The following TNFSF4 variants were observed in gnomAD, a reference collection of about 807,000 sequenced individuals.
TNFSF4 encodes the protein TNF superfamily member 4.
TNFSF4 carries 4 observed loss-of-function variants against 7.3 expected under a neutral mutation model. The ratio of observed to expected loss-of-function variants is 0.55; its 90% confidence interval spans 0.27 to 1.25. TNFSF4 has a LOEUF of 1.25. Among genes scored for constraint, TNFSF4 ranks in the 50% most tolerant of loss-of-function variants. The pLI is 0.12. For missense variants in TNFSF4, 181 were observed against 208.8 expected, an observed-to-expected ratio of 0.87 and a Z score of 0.82; for synonymous variants, 76 against 83.7, an observed-to-expected ratio of 0.91 and a Z score of 0.50.
At chr1:173,293,787 G>A in the TNFSF4 span, among the ~76,000 whole-genome samples, 1 of 151,754 alleles carries the variant, frequency 6.6e-6, no homozygotes, top group East Asian at 1.9e-4. Flanking sequence ...AAATAACCCT[G>A]TGAAAAAATG....
the TNFSF4 span, among the ~76,000 whole-genome samples, chr1:173,411,029 G>C: frequency 6.6e-6 from 1 of 152,210 alleles, no homozygotes; most frequent in Non-Finnish European, 1.5e-5. Flanking sequence ...GGACTTGGGG[G>C]AAGTCCCTCT....
chr1:173,188,696 C>T, intron 1 of TNFSF4, 127 bp from the exon 2 acceptor site: 1 of 800,328 alleles, frequency 1.2e-6, no homozygotes. Context: ...CAACAGAAGA[C>T]TTGACTTTTT....
the TNFSF4 span, among the ~76,000 whole-genome samples, chr1:173,272,720 A>G: frequency 6.6e-5 from 10 of 152,138 alleles, no homozygotes; most frequent in Admixed American, 5.9e-4. Flanking sequence ...GTGTTCCCCA[A>G]AAATGTTGCC....
chr1:173,221,696 C>T, the TNFSF4 span, among the ~76,000 whole-genome samples: 2 of 152,126 alleles, frequency 1.3e-5, no homozygotes, highest in African/African-American at 4.8e-5. Flanking sequence ...ATAAGCACCA[C>T]AATAATTATC....
the TNFSF4 span, among the ~76,000 whole-genome samples, chr1:173,342,422 G>A: frequency 4.2e-3 from 646 of 152,016 alleles, 5 homozygotes; most frequent in African/African-American, 0.012. Context: ...AAATCACAGC[G>A]TGTTATTACA....
chr1:173,177,651 C>T, the TNFSF4 span, among the ~76,000 whole-genome samples: 2 of 152,112 alleles, frequency 1.3e-5, no homozygotes, highest in Non-Finnish European at 2.9e-5. Flanking sequence ...TTGCAGTTTT[C>T]AGTCTCTGTC....
At chr1:173,258,769 C>G in the TNFSF4 span, among the ~76,000 whole-genome samples, 2 of 152,100 alleles carry the variant, frequency 1.3e-5, no homozygotes, top group African/African-American at 4.8e-5. Context: ...GACCCAGATC[C>G]GTCCCTCCTC....
At chr1:173,242,392 T>G in the TNFSF4 span, among the ~76,000 whole-genome samples, 2 of 152,178 alleles carry the variant, frequency 1.3e-5, no homozygotes, top group Non-Finnish European at 2.9e-5. Context: ...TAACAGGATA[T>G]TGCTTGACAA....
At chr1:173,369,667 C>A in the TNFSF4 span, among the ~76,000 whole-genome samples, 1 of 152,214 alleles carries the variant, frequency 6.6e-6, no homozygotes, top group Admixed American at 6.5e-5. Flanking sequence ...ACTCATAAAC[C>A]CTGAAAAAGA....
intron 1 of TNFSF4, among the ~76,000 whole-genome samples, chr1:173,202,370 A>G (rs1369638423): frequency 6.6e-6 from 1 of 152,178 alleles, no homozygotes; most frequent in African/African-American, 2.4e-5. Flanking sequence ...ATATATCTAA[A>G]CACTTCATTT....
At chr1:173,399,941 G>T in the TNFSF4 span, among the ~76,000 whole-genome samples, 1 of 152,224 alleles carries the variant, frequency 6.6e-6, no homozygotes, top group African/African-American at 2.4e-5. Flanking sequence ...GATCAGATAG[G>T]TACCTGGTAG....
At chr1:173,358,081 A>G in the TNFSF4 span, among the ~76,000 whole-genome samples, 18 of 152,194 alleles carry the variant, frequency 1.2e-4, no homozygotes, top group Non-Finnish European at 2.2e-4. Flanking sequence ...GGTGGACCCA[A>G]TGTAATCACA....
chr1:173,386,648 G>C, the TNFSF4 span, among the ~76,000 whole-genome samples: 1 of 152,142 alleles, frequency 6.6e-6, no homozygotes, highest in Admixed American at 6.5e-5. Flanking sequence ...CTGCCCTTGA[G>C]ACCTGTAGAG....
At chr1:173,188,926 A>G (rs1246843791) in intron 1 of TNFSF4, among the ~76,000 whole-genome samples, 1 of 152,068 alleles carries the variant, frequency 6.6e-6, no homozygotes, top group East Asian at 1.9e-4. Context: ...GGGTTCTGCC[A>G]TATTGCCCAG....
chr1:173,414,232 G>A, the TNFSF4 span, among the ~76,000 whole-genome samples: 1 of 152,116 alleles, frequency 6.6e-6, no homozygotes, highest in African/African-American at 2.4e-5. Context: ...TCTGTTTCTG[G>A]TAAAACCTCC....
the TNFSF4 span, among the ~76,000 whole-genome samples, chr1:173,400,986 C>T: frequency 1.3e-5 from 2 of 152,136 alleles, no homozygotes; most frequent in Non-Finnish European, 2.9e-5. Context: ...TGATTATTTC[C>T]TCCTTATTTT....
At chr1:173,394,664 C>T in the TNFSF4 span, among the ~76,000 whole-genome samples, 1 of 152,142 alleles carries the variant, frequency 6.6e-6, no homozygotes, top group Non-Finnish European at 1.5e-5. Flanking sequence ...ACTGCTTGAG[C>T]TAGAACATCC....
the TNFSF4 span, among the ~76,000 whole-genome samples, chr1:173,301,561 C>A: frequency 2.0e-5 from 3 of 151,814 alleles, no homozygotes; most frequent in African/African-American, 7.3e-5. Context: ...GCCATTGCTC[C>A]TATTCTTTGC....
At chr1:173,329,724 G>A in the TNFSF4 span, among the ~76,000 whole-genome samples, 6 of 152,060 alleles carry the variant, frequency 3.9e-5, no homozygotes, top group African/African-American at 9.6e-5. Flanking sequence ...TAGGCCGTAG[G>A]ATAGGTTCTG....
Sources: allele counts gnomAD v4.1 joint callset (sites outside exome capture counted in the v4.1 genomes callset), GRCh38; gene constraint gnomAD v4.1.1; transcripts MANE v1.5; gene names NCBI Gene and HGNC (gene_info 2026-07-23, HGNC 2026-07-21).